LRRK1: variants seen among roughly 807,000 people sequenced by gnomAD.
LRRK1 encodes leucine-rich repeat serine/threonine-protein kinase 1.
LRRK1 carries 113 observed loss-of-function variants against 209.1 expected under a neutral mutation model. That is an observed-to-expected ratio of 0.54 (90% CI 0.46 to 0.63). The LOEUF (loss-of-function observed/expected upper bound fraction) is 0.63, where lower values mean the gene tolerates loss of function less well. Among genes scored for constraint, LRRK1 ranks in the 30% least tolerant of loss-of-function variants. The probability of loss-of-function intolerance (pLI) is 0.00; values close to 1 mark genes in which losing one functional copy is unlikely to be tolerated. For synonymous variants in LRRK1, 1,144 were observed against 1,099.7 expected (o/e 1.04, Z -0.80); for missense variants, 2,284 against 2,632.2 (o/e 0.87, Z 2.89).
intron 6 of LRRK1, among the ~76,000 whole-genome samples, chr15:101,000,536 C>T (rs1304314600): frequency 6.6e-6 from 1 of 152,180 alleles, no homozygotes; most frequent in Non-Finnish European, 1.5e-5. Context: ...CAGCAGTCCA[C>T]GGTCAAGGTG....
intron 2 of LRRK1, among the ~76,000 whole-genome samples, chr15:100,961,364 G>A (rs766335652): frequency 4.6e-5 from 7 of 152,180 alleles, no homozygotes; most frequent in African/African-American, 7.2e-5. Flanking sequence ...TAAAACCATA[G>A]CAGTTGGTGG....
intron 6 of LRRK1, among the ~76,000 whole-genome samples, chr15:100,993,794 T>G (rs1291226283): frequency 6.6e-6 from 1 of 152,240 alleles, no homozygotes. Flanking sequence ...TTTTTCCATC[T>G]CTTTAATTTA....
chr15:101,027,529 G>T lies in LRRK1; in HGVS notation c.2527-109G>T. On this transcript the variant is annotated intron_variant, in intron 18 of 33. Transcript: ENST00000388948. The surrounding 1 kb of genome is among the most constrained non-coding windows in gnomAD (Gnocchi z 5.1). ...GGGAGGGTCAGGATGGAAGATAGTG[G>T]GTGGAAACGTCCCACCCCCTCAGGC... The T allele has an allele frequency of 6.7e-7, 1 of 1,500,584 alleles. No individual in the cohort carries two copies. Among genetic ancestry groups the T allele is most frequent in the Non-Finnish European group, 9.0e-7 (1 of 1,114,052 alleles). 93.0% of individuals were successfully genotyped at this position (1,500,584 alleles called of 1,614,324 possible).
chr15:100,986,890 C>T (rs184386405), intron 4 of LRRK1, among the ~76,000 whole-genome samples: 7 of 152,300 alleles, frequency 4.6e-5, no homozygotes, highest in East Asian at 1.9e-4. Context: ...GTTTTTCCTA[C>T]GACTCTGACC....
chr15:101,054,400 G>A (rs1007386216), intron 26 of LRRK1, among the ~76,000 whole-genome samples: 2 of 152,250 alleles, frequency 1.3e-5, no homozygotes, highest in African/African-American at 2.4e-5. Context: ...AAGATATCAG[G>A]AATGAAGCTA....
At chr15:101,038,175 T>G (rs1054597824) in intron 20 of LRRK1, among the ~76,000 whole-genome samples, 7 of 152,110 alleles carry the variant, frequency 4.6e-5, no homozygotes, top group African/African-American at 1.4e-4. Flanking sequence ...GCTATGAGAA[T>G]GCAAAGGCAT....
At chr15:101,063,785 C>T (rs2036343925) in intron 31 of LRRK1, among the ~76,000 whole-genome samples, 1 of 149,980 alleles carries the variant, frequency 6.7e-6, no homozygotes, top group African/African-American at 2.5e-5. Flanking sequence ...ATGAACTCTT[C>T]TCTTCACCCT....
At chr15:100,980,285 AT>A (rs1464813702) in intron 3 of LRRK1, among the ~76,000 whole-genome samples, 8 of 139,460 alleles carry the variant, frequency 5.7e-5, no homozygotes, top group Non-Finnish European at 1.3e-4. Context: ...CATTATGCTG[AT>A]TTAAAAAAAA....
intron 2 of LRRK1, among the ~76,000 whole-genome samples, chr15:100,962,824 T>TATATATATACATATATATATATATATA (rs1555461505): frequency 2.4e-4 from 2 of 8,444 alleles, no homozygotes; most frequent in South Asian, 5.6e-3. Context: ...TATATATATA[T>TATATATATACATATATATATATATATA]TTTTTTTTTT....
In LRRK1 at chr15:101,029,176, G is replaced by T; in HGVS notation, c.2907G>T (p.Glu969Asp). 1 of 1,614,100 alleles carries T rather than the reference G, an allele frequency of 6.2e-7. No homozygotes were observed. The highest frequency in any genetic ancestry group is 8.5e-7 in the Non-Finnish European group (1 of 1,179,946). The change falls in exon 20 of 34, where the codon GAG (glutamate) becomes GAT (aspartate). Residue 969 changes from glutamate (E) to aspartate (D), a missense_variant. Around this residue, in one of 6 missense-constraint regions of LRRK1, gnomAD observed 780 missense variants for 985.2 expected, o/e 0.79. Transcript: ENST00000388948. ...VGTGFTQQTE[E>D]QYFQFLAKFE... is the part of the protein sequence containing the mutation. ...CTGGCTTCACGCAGCAGACGGAAGA[G>T]CAGTACTTCCAGTTCCTGGCCAAGT...
chr15:100,948,632 C>G (rs1319068280), intron 2 of LRRK1, among the ~76,000 whole-genome samples: 2 of 152,006 alleles, frequency 1.3e-5, no homozygotes, highest in Non-Finnish European at 2.9e-5. Flanking sequence ...GGCCATAAAA[C>G]AAGCCTCCAT....
At chr15:101,016,052 C>T (rs984383397) in intron 12 of LRRK1, among the ~76,000 whole-genome samples, 3 of 150,980 alleles carry the variant, frequency 2.0e-5, no homozygotes, top group African/African-American at 7.3e-5. Context: ...TGCAGTGGCG[C>T]GATCTTGGCT....
chr15:100,993,073 G>A (rs190641208), intron 6 of LRRK1, among the ~76,000 whole-genome samples: 21 of 152,268 alleles, frequency 1.4e-4, no homozygotes, highest in African/African-American at 4.1e-4. Context: ...CAGGGCCTTC[G>A]TCTGTGTCTT....
chr15:101,001,919 C>T (rs966150205), intron 6 of LRRK1, among the ~76,000 whole-genome samples: 1 of 152,184 alleles, frequency 6.6e-6, no homozygotes, highest in African/African-American at 2.4e-5. Flanking sequence ...AAGGAGCTAA[C>T]ATTACAACGT....
At chr15:100,979,286 G>A (rs2031472491) in intron 3 of LRRK1, among the ~76,000 whole-genome samples, 7 of 152,144 alleles carry the variant, frequency 4.6e-5, no homozygotes. Flanking sequence ...CATCATTCTT[G>A]ATGTTGAAGA....
rs180747084 is a variant in LRRK1 at position 101,066,621 on chromosome 15, C to T, written c.5769-19C>T. The T allele has an allele frequency of 6.7e-5, 108 of 1,611,972 alleles. No individual in the cohort carries two copies. Among genetic ancestry groups the T allele is most frequent in the Admixed American group, 2.8e-4 (17 of 60,006 alleles). On this transcript the variant is annotated intron_variant, in intron 32 of 33. Coordinates refer to ENST00000388948, the MANE Select transcript of LRRK1 (RefSeq NM_024652.6). ...GGCTACCGACAAATCGCTTCCCCTT[C>T]TGGGTTTTGGTTGCTTAGGCGCGGT...
At chr15:101,008,793 G>A in intron 6 of LRRK1, 44 bp from the exon 7 acceptor site, 4 of 1,462,692 alleles carry the variant, frequency 2.7e-6, no homozygotes, top group Non-Finnish European at 2.9e-6. Context: ...TGTGGGCCCT[G>A]AACTCACCCT....
chr15:101,065,844 G>T lies in LRRK1; in HGVS notation c.5407G>T (p.Ala1803Ser). The change falls in exon 32 of 34, where the codon GCC becomes TCC. Residue 1803 changes from alanine to serine, a missense_variant. Coordinates refer to ENST00000388948, the MANE Select transcript of LRRK1 (RefSeq NM_024652.6). Reference protein sequence around the residue: ...DTEPPAASHTANPKVPEGDSI... With the variant: ...DTEPPAASHTSNPKVPEGDSI... ...GGAACCCCCGGCAGCCAGCCACACG[G>T]CCAACCCAAAGGTGCCTGAGGGGGA... The T allele has an allele frequency of 6.2e-7, 1 of 1,614,068 alleles. No homozygotes were observed. The highest frequency in any genetic ancestry group is 8.5e-7 in the Non-Finnish European group (1 of 1,180,024).
intron 6 of LRRK1, among the ~76,000 whole-genome samples, chr15:100,995,344 A>G (rs7172498): frequency 0.55 from 82,906 of 152,016 alleles, 24,401 homozygotes; most frequent in African/African-American, 0.79. Context: ...AAGGGAGAAA[A>G]TACAGAGAAA....
Sources: allele counts gnomAD v4.1 joint callset (sites outside exome capture counted in the v4.1 genomes callset), GRCh38; gene constraint gnomAD v4.1.1; regional missense constraint gnomAD v4.1.1; non-coding constraint Gnocchi (gnomAD v3.1); transcripts MANE v1.5; gene names NCBI Gene and HGNC (gene_info 2026-07-23, HGNC 2026-07-21).